SCAF8: variants seen among roughly 807,000 people sequenced by gnomAD.
SCAF8 encodes the protein SR-related and CTD-associated factor 8.
In SCAF8, 23 loss-of-function variants were observed where a neutral mutation model predicts 140.5. That is an observed-to-expected ratio of 0.16 (90% CI 0.12 to 0.23). The LOEUF (loss-of-function observed/expected upper bound fraction) is 0.23, where lower values mean the gene tolerates loss of function less well. Among genes scored for constraint, SCAF8 ranks in the 10% least tolerant of loss-of-function variants. The pLI, the probability that SCAF8 is intolerant of heterozygous loss-of-function variation, is 1.00. For synonymous variants in SCAF8, 575 were observed against 528.9 expected, an observed-to-expected ratio of 1.09 and a Z score of -1.20; for missense variants, 1,397 against 1,555.7, an observed-to-expected ratio of 0.90 and a Z score of 1.72.
At chr6:154,827,150 T>G (rs765518784) in intron 17 of SCAF8, 22 bp from the exon 18 acceptor site, 3 of 1,583,950 alleles carry the variant, frequency 1.9e-6, no homozygotes, top group South Asian at 1.2e-5. Flanking sequence ...TGCTATTTTT[T>G]GGGGTTTTTT....
chr6:154,772,432 G>C (rs565153066), intron 1 of SCAF8, among the ~76,000 whole-genome samples: 2 of 152,200 alleles, frequency 1.3e-5, no homozygotes, highest in East Asian at 1.9e-4. Flanking sequence ...GCTCATGCTT[G>C]TAACCTCACC....
Position 154,796,389 on chromosome 6 carries a change from C to CTCTCTCTCTCTG in SCAF8, c.606+1253_606+1254insCTCTCTCTGTCT, listed in dbSNP as rs376622207. 1.8e-3 allele frequency among the ~76,000 whole-genome samples: 248 copies of CTCTCTCTCTCTG among 141,030 alleles called. 2 individuals carry two copies. The highest frequency in any genetic ancestry group is 5.7e-3 in the African/African-American group (208 of 36,350). 92.5% of individuals were successfully genotyped at this position (141,030 alleles called of 152,430 possible). A position where few individuals can be genotyped will look rare whatever the true frequency, so the allele number is the denominator to read the frequency against. The stretch of plus-strand genomic sequence containing the variant: ...TCTCTCTCTCTCTCTCTCTCTCTCT[C>CTCTCTCTCTCTG]TCTGTCTCTCTCTTTTTCTGACCCT... On this transcript the variant is annotated intron_variant, in intron 6 of 19. Transcript: ENST00000367178.
Position 154,827,260 on chromosome 6 carries a change from A to AAAT in SCAF8, c.2140+20_2140+21insAAT. ...CAACATGTAAGTTTTCTACTTTTAG[A>AAAT]GTTTTCTTTATTCATGGTAGTGTTA... On this transcript the variant is annotated intron_variant, in intron 18 of 19. Coordinates refer to ENST00000367178, the MANE Select transcript of SCAF8 (RefSeq NM_014892.5). The AAAT allele has an allele frequency of 6.5e-7, 1 of 1,543,240 alleles. No individual in the cohort carries two copies. The highest frequency in any genetic ancestry group is 8.8e-7 in the Non-Finnish European group (1 of 1,131,734).
intron 18 of SCAF8, among the ~76,000 whole-genome samples, chr6:154,828,693 T>C (rs1352424764): frequency 1.3e-5 from 2 of 152,164 alleles, no homozygotes; most frequent in African/African-American, 4.8e-5. Context: ...AGTTGGGGTA[T>C]GGTATCTAGA....
At position 154,826,272 on chromosome 6, in the gene SCAF8, A is replaced by G. The variant is rs185896221; in HGVS notation, c.2072-900A>G. ...TTAAGTGATTATTTCAAAAATCATA[A>G]CCATATAGGCTTTATAAAGTCATTG... On this transcript the variant is annotated intron_variant, in intron 17 of 19. Coordinates refer to ENST00000367178, the MANE Select transcript of SCAF8 (RefSeq NM_014892.5). Among the ~76,000 whole-genome samples the G allele has an allele frequency of 1.6e-4, 24 of 152,278 alleles. No homozygotes were observed. In the South Asian group the frequency reaches 2.5e-3, roughly 16 times the overall value.
intron 1 of SCAF8, among the ~76,000 whole-genome samples, chr6:154,741,606 C>T (rs1375605260): frequency 6.6e-6 from 1 of 152,060 alleles, no homozygotes; most frequent in African/African-American, 2.4e-5. Context: ...GGGGTTTCAC[C>T]ATGTTGGCCA....
intron 1 of SCAF8, among the ~76,000 whole-genome samples, chr6:154,764,136 G>A (rs897159634): frequency 2.6e-5 from 4 of 152,124 alleles, no homozygotes; most frequent in African/African-American, 9.7e-5. Context: ...CATTTGCTGT[G>A]GTGCCTACAA....
intron 1 of SCAF8, among the ~76,000 whole-genome samples, chr6:154,744,014 A>C (rs1778634868): frequency 6.6e-6 from 1 of 152,184 alleles, no homozygotes; most frequent in Non-Finnish European, 1.5e-5. Flanking sequence ...TAACCACTTT[A>C]CTGGGCACGG....
At chr6:154,768,732 A>G (rs1776652930) in intron 1 of SCAF8, among the ~76,000 whole-genome samples, 1 of 152,204 alleles carries the variant, frequency 6.6e-6, no homozygotes, top group Non-Finnish European at 1.5e-5. Flanking sequence ...ATTGTCAAAA[A>G]TCTCTCAAAA....
At chr6:154,737,027 T>C (rs1456428101) in intron 1 of SCAF8, among the ~76,000 whole-genome samples, 1 of 152,230 alleles carries the variant, frequency 6.6e-6, no homozygotes, top group East Asian at 1.9e-4. Flanking sequence ...ATGCAGTTTC[T>C]GTGAATGTTG....
At chr6:154,806,004 A>G (rs1275466452) in intron 9 of SCAF8, among the ~76,000 whole-genome samples, 1 of 152,164 alleles carries the variant, frequency 6.6e-6, no homozygotes. Context: ...GGCGATGGGC[A>G]TTATGACTCC....
At chr6:154,829,243 T>TC (rs1183084247) in intron 18 of SCAF8, among the ~76,000 whole-genome samples, 1 of 152,036 alleles carries the variant, frequency 6.6e-6, no homozygotes. Context: ...TTTTTTTTTT[T>TC]TTTTTACATT....
intron 9 of SCAF8, among the ~76,000 whole-genome samples, chr6:154,806,465 G>A (rs1024715196): frequency 1.3e-5 from 2 of 152,142 alleles, no homozygotes; most frequent in African/African-American, 4.8e-5. Flanking sequence ...TTAGGCAAGT[G>A]TTACATACAG....
At chr6:154,818,095 C>G (rs142998014) in intron 13 of SCAF8, among the ~76,000 whole-genome samples, 2 of 152,052 alleles carry the variant, frequency 1.3e-5, no homozygotes, top group Admixed American at 1.3e-4. Flanking sequence ...TAAATTGTTG[C>G]CTTCAAATAT....
chr6:154,739,476 A>G (rs778132014), intron 1 of SCAF8, among the ~76,000 whole-genome samples: 52 of 152,096 alleles, frequency 3.4e-4, no homozygotes, highest in Admixed American at 1.9e-3. Flanking sequence ...CCCATGATCT[A>G]TTTCTCTTGC....
chr6:154,746,833 G>A (rs1280167006), intron 1 of SCAF8, among the ~76,000 whole-genome samples: 1 of 152,056 alleles, frequency 6.6e-6, no homozygotes, highest in East Asian at 1.9e-4. Context: ...ATTCCATTTT[G>A]ACTTTTTTCC....
intron 2 of SCAF8, among the ~76,000 whole-genome samples, chr6:154,777,187 GAAA>G (rs113761597): frequency 7.1e-6 from 1 of 141,632 alleles, no homozygotes; most frequent in Admixed American, 7.1e-5. Context: ...TCTCCAAGGG[GAAA>G]AAAAAAAAAA....
chr6:154,761,760 T>C (rs1776408807), intron 1 of SCAF8, among the ~76,000 whole-genome samples: 1 of 152,058 alleles, frequency 6.6e-6, no homozygotes, highest in South Asian at 2.1e-4. Flanking sequence ...TTGAAAACCT[T>C]AGGAAGATAA....
intron 3 of SCAF8, among the ~76,000 whole-genome samples, chr6:154,785,188 A>G (rs1030982710): frequency 3.3e-5 from 5 of 152,098 alleles, no homozygotes; most frequent in Admixed American, 2.0e-4. Flanking sequence ...ATTCATTACT[A>G]TCTGTTGCTG....
Sources: allele counts gnomAD v4.1 joint callset (sites outside exome capture counted in the v4.1 genomes callset), GRCh38; gene constraint gnomAD v4.1.1; transcripts MANE v1.5; gene names NCBI Gene and HGNC (gene_info 2026-07-23, HGNC 2026-07-21).